The following EML5 variants were observed in gnomAD, a reference collection of about 807,000 sequenced individuals.
The protein encoded by EML5 is echinoderm microtubule-associated protein-like 5.
A neutral mutation model predicts 250.0 loss-of-function variants in EML5; 120 were observed. The observed-to-expected ratio is 0.48, with a 90% CI of 0.41 to 0.56. The LOEUF is 0.56. EML5 is among the 20% of genes least tolerant of loss of function. The pLI is 0.00. For missense variants in EML5, 2,006 were observed against 2,437.6 expected, an observed-to-expected ratio of 0.82 and a Z score of 3.73; for synonymous variants, 771 against 806.5, an observed-to-expected ratio of 0.96 and a Z score of 0.75.
chr14:88,692,132 T>C (rs1002363129), intron 17 of EML5, among the ~76,000 whole-genome samples: 2 of 152,116 alleles, frequency 1.3e-5, no homozygotes, highest in African/African-American at 4.8e-5. Context: ...CCCAGCACTT[T>C]GGGAGGCCAA....
At chr14:88,708,261 A>T (rs2093350460) in intron 10 of EML5, among the ~76,000 whole-genome samples, 1 of 152,150 alleles carries the variant, frequency 6.6e-6, no homozygotes, top group Non-Finnish European at 1.5e-5. Context: ...CCTAGATATC[A>T]TATCTTTCAT....
At chr14:88,791,921 T>A (rs1049808914) in intron 1 of EML5, among the ~76,000 whole-genome samples, 4 of 152,090 alleles carry the variant, frequency 2.6e-5, no homozygotes, top group Non-Finnish European at 5.9e-5. Flanking sequence ...GTAAAGGGTT[T>A]CCCCCCACCC....
At chr14:88,628,066 A>G (rs1345668018) in intron 33 of EML5, 1 of 511,898 alleles carries the variant, frequency 2.0e-6, no homozygotes, top group Non-Finnish European at 3.5e-6. Context: ...CACTTTTGGA[A>G]AAACAGCATT....
At chr14:88,660,656 T>C (rs1016796644) in intron 25 of EML5, among the ~76,000 whole-genome samples, 11 of 150,998 alleles carry the variant, frequency 7.3e-5, no homozygotes, top group Admixed American at 6.6e-4. Context: ...GGCAGGAGAA[T>C]AGCTTGAACC....
intron 8 of EML5, among the ~76,000 whole-genome samples, chr14:88,722,557 T>C (rs749955590): frequency 4.6e-5 from 7 of 151,132 alleles, no homozygotes; most frequent in Non-Finnish European, 7.4e-5. Flanking sequence ...AAGTGGGAGC[T>C]GAACAATGAG....
chr14:88,781,184 G>T (rs961592381), intron 1 of EML5, among the ~76,000 whole-genome samples: 1 of 152,182 alleles, frequency 6.6e-6, no homozygotes, highest in African/African-American at 2.4e-5. Context: ...TGCTCATGCT[G>T]TTTTCTGTGC....
At chr14:88,641,044 C>T (rs371348420) in intron 31 of EML5, among the ~76,000 whole-genome samples, 1 of 152,002 alleles carries the variant, frequency 6.6e-6, no homozygotes, top group Non-Finnish European at 1.5e-5. Flanking sequence ...TAGAAACACA[C>T]AACCTCTCAA....
chr14:88,705,926 A>C (rs1205872926), intron 11 of EML5: 1 of 542,574 alleles, frequency 1.8e-6, no homozygotes, highest in East Asian at 4.2e-5. Context: ...AGATGAATTG[A>C]CATTAGATAA....
intron 21 of EML5, among the ~76,000 whole-genome samples, chr14:88,672,053 G>C (rs1595464502): frequency 6.6e-6 from 1 of 152,180 alleles, no homozygotes; most frequent in Non-Finnish European, 1.5e-5. Flanking sequence ...AAGCGGACCT[G>C]ATAGATATCT....
intron 4 of EML5, among the ~76,000 whole-genome samples, chr14:88,743,052 G>T (rs1355773141): frequency 6.6e-6 from 1 of 152,018 alleles, no homozygotes; most frequent in Admixed American, 6.6e-5. Context: ...GACTTTACAG[G>T]CTTCAAAATC....
chr14:88,696,920 A>G lies in EML5; in HGVS notation c.2271T>C (p.Asp757=). 2 of 1,604,498 alleles carry G rather than the reference A, an allele frequency of 1.2e-6. No individual in the cohort carries two copies. Among genetic ancestry groups the G allele is most frequent in the Non-Finnish European group, 1.7e-6 (2 of 1,175,094 alleles). ...TGGACAATGGTTTAATGGTCTCTGT[A>G]TCCCATATATGAATTGAGGGATCTC... ...VGRDPSIHIW[D]TETIKPLSIL... is the part of the protein sequence containing the mutation. The change falls in exon 15 of 44, where the codon GAT becomes GAC. Residue 757 remains aspartate, a synonymous_variant. Transcript: ENST00000554922.
chr14:88,753,395 C>G (rs2094123202), intron 2 of EML5, among the ~76,000 whole-genome samples: 1 of 152,210 alleles, frequency 6.6e-6, no homozygotes, highest in African/African-American at 2.4e-5. Context: ...ATAAAAACAT[C>G]TACTGGCTAT....
chr14:88,694,904 T>G (rs1011176286), intron 16 of EML5, among the ~76,000 whole-genome samples: 1 of 152,142 alleles, frequency 6.6e-6, no homozygotes, highest in Non-Finnish European at 1.5e-5. Flanking sequence ...TTTAAAGCAT[T>G]GTTAATATTA....
Position 88,614,974 on chromosome 14 carries a change from G to T in EML5, c.*844C>A, listed in dbSNP as rs535627978. Reference sequence around the variant, plus strand: ...ATGTTAAACAAATGTGTATATATTAGACTACATTAAATATGCAATTCTTTC... The same window carrying T: ...ATGTTAAACAAATGTGTATATATTATACTACATTAAATATGCAATTCTTTC... On this transcript the variant is annotated 3_prime_UTR_variant, in exon 44 of 44. Coordinates refer to ENST00000554922, the MANE Select transcript of EML5 (RefSeq NM_183387.3). The T allele has an allele frequency of 6.6e-6, 1 of 152,246 alleles. No individual in the cohort carries two copies. Among genetic ancestry groups the T allele is most frequent in the South Asian group, 2.1e-4 (1 of 4,820 alleles). The allele number at this position is 152,246 out of a possible 1,614,324, so 9.4% of individuals were successfully genotyped here.
intron 1 of EML5, among the ~76,000 whole-genome samples, chr14:88,776,307 G>A (rs1421211747): frequency 3.9e-5 from 6 of 152,050 alleles, no homozygotes; most frequent in African/African-American, 9.7e-5. Context: ...AGAGAGATGT[G>A]GCCTTTCAGA....
Position 88,702,522 on chromosome 14 carries a change from C to T in EML5, c.2162G>A (p.Arg721His), listed in dbSNP as rs1248212300. ...ATCATCATCATGACCCAGATAAAAA[C>T]GCTGTGTGTTTTGCTGTCGATTATA... ...VIYNRQQNTQ[R>H]FYLGHDDDIL... The change falls in exon 14 of 44, where the codon CGT (arginine) becomes CAT (histidine). Residue 721 changes from arginine to histidine, a missense_variant. Physicochemically the swap from Arg to His is conservative, Grantham distance 29 (BLOSUM62 0). Transcript: ENST00000554922. 1.2e-5 allele frequency: 20 copies of T among 1,613,220 alleles called. No individual in the cohort carries two copies. Among genetic ancestry groups the T allele is most frequent in the Non-Finnish European group, 1.5e-5 (18 of 1,179,536 alleles).
In EML5 at chr14:88,792,229, G is replaced by C; in HGVS notation, c.197+78C>G. ...TGATGCTCCGTGCAGGAGCGGTCAC[G>C]GCGTCCAGAGGAACCCGCGGGTGCA... On this transcript the variant is annotated intron_variant, in intron 1 of 43. Transcript: ENST00000554922. The surrounding 1 kb of genome is among the most constrained non-coding windows in gnomAD (Gnocchi z 6.9). 1 of 1,504,108 alleles carries C rather than the reference G, an allele frequency of 6.6e-7. No individual in the cohort carries two copies. The highest frequency in any genetic ancestry group is 8.9e-7 in the Non-Finnish European group (1 of 1,121,526). 93.2% of individuals were successfully genotyped at this position (1,504,108 alleles called of 1,614,324 possible).
At chr14:88,780,763 C>T (rs1287579938) in intron 1 of EML5, among the ~76,000 whole-genome samples, 1 of 151,936 alleles carries the variant, frequency 6.6e-6, no homozygotes, top group African/African-American at 2.4e-5. Context: ...TTGGTAGAGA[C>T]GGGGTTTCAT....
At chr14:88,774,103 A>G (rs934257440) in intron 1 of EML5, among the ~76,000 whole-genome samples, 2 of 152,200 alleles carry the variant, frequency 1.3e-5, no homozygotes, top group Admixed American at 1.3e-4. Flanking sequence ...GGGTGACGAG[A>G]GCGAGACTCT....
Sources: gnomAD v4.1 joint callset for allele counts (sites outside exome capture counted in the v4.1 genomes callset) on GRCh38, gnomAD v4.1.1 for gene constraint, Gnocchi (gnomAD v3.1) non-coding constraint, MANE v1.5 for transcripts, NCBI Gene and HGNC (gene_info 2026-07-23, HGNC 2026-07-21) for gene names.